Variants in ADARB2 observed in about 807,000 individuals in gnomAD.
ADARB2 encodes the protein inactive double-stranded RNA-specific editase B2.
A neutral mutation model predicts 62.2 loss-of-function variants in ADARB2; 25 were observed. The observed-to-expected ratio is 0.40, with a 90% CI of 0.29 to 0.56. The LOEUF is 0.56. Ranked by LOEUF, ADARB2 falls within the 20% of genes least tolerant of loss-of-function variation. ADARB2 has a pLI of 0.43. For synonymous variants in ADARB2, 572 were observed against 500.8 expected (o/e 1.14, Z -1.90); for missense variants, 1,071 against 1,077.4 (o/e 0.99, Z 0.08).
At position 1,182,402 on chromosome 10, in the gene ADARB2, C is replaced by G. The variant is rs1313372801; in HGVS notation, c.*791G>C. Reference sequence around the variant, plus strand: ...GCGTGGGCCGGGTGTTTCCAGACTCCCCACATCTGCAGCACGCGTGGGCCG... The same window carrying G: ...GCGTGGGCCGGGTGTTTCCAGACTCGCCACATCTGCAGCACGCGTGGGCCG... On this transcript the variant is annotated 3_prime_UTR_variant, in exon 10 of 10. Transcript: ENST00000381312. The G allele has an allele frequency of 6.5e-6, 1 of 153,866 alleles. No individual in the cohort carries two copies. The highest frequency in any genetic ancestry group is 2.4e-5 in the African/African-American group (1 of 41,324). 9.5% of individuals were successfully genotyped at this position (153,866 alleles called of 1,614,324 possible).
At chr10:1,660,286 G>C (rs781739359) in intron 1 of ADARB2, among the ~76,000 whole-genome samples, 93 of 152,328 alleles carry the variant, frequency 6.1e-4, no homozygotes, top group Non-Finnish European at 6.8e-4. Context: ...ACAGCACTTG[G>C]GTGTTGTTTA....
intron 1 of ADARB2, among the ~76,000 whole-genome samples, chr10:1,549,627 A>T (rs1832584671): frequency 6.6e-6 from 1 of 151,954 alleles, no homozygotes; most frequent in Non-Finnish European, 1.5e-5. Context: ...AGAGCACGGC[A>T]CTGAGAGAGC....
intron 7 of ADARB2, among the ~76,000 whole-genome samples, chr10:1,203,383 C>T (rs549384208): frequency 3.7e-4 from 56 of 152,298 alleles, no homozygotes; most frequent in African/African-American, 1.2e-3. Context: ...CCTGCAGGTG[C>T]GCCGGCATCA....
intron 1 of ADARB2, among the ~76,000 whole-genome samples, chr10:1,580,694 A>G (rs1381193520): frequency 6.6e-6 from 1 of 152,006 alleles, no homozygotes; most frequent in Non-Finnish European, 1.5e-5. Context: ...AGTGTCTTGG[A>G]TCCACATTGG....
At position 1,576,518 on chromosome 10, in the gene ADARB2, G is replaced by T. The variant is rs557047048; in HGVS notation, c.100+160533C>A. 3.9e-5 allele frequency among the ~76,000 whole-genome samples: 6 copies of T among 152,242 alleles called. No homozygotes were observed. The East Asian group carries it at 1.2e-3, about 29-fold the overall frequency. ...TGGTTCTGTGGTGCTGGCAGGAGCC[G>T]AGAGGACTGAGGGTCCCGTGAACTG... On this transcript the variant is annotated intron_variant, in intron 1 of 9. Coordinates refer to ENST00000381312, the MANE Select transcript of ADARB2 (RefSeq NM_018702.4).
intron 8 of ADARB2, among the ~76,000 whole-genome samples, chr10:1,191,375 G>A (rs1443278232): frequency 6.6e-6 from 1 of 152,208 alleles, no homozygotes; most frequent in South Asian, 2.1e-4. Flanking sequence ...GGCCTCCGTT[G>A]GGTAGGACCT....
intron 4 of ADARB2, among the ~76,000 whole-genome samples, chr10:1,263,117 A>T (rs1284352674): frequency 1.7e-5 from 2 of 115,998 alleles, no homozygotes; most frequent in East Asian, 2.8e-4. Flanking sequence ...AACATCACAC[A>T]CCGGGGCCTG....
chr10:1,573,015 G>A (rs1460640758), intron 1 of ADARB2, among the ~76,000 whole-genome samples: 4 of 152,272 alleles, frequency 2.6e-5, no homozygotes, highest in South Asian at 2.1e-4. Flanking sequence ...CCCAGCCTGT[G>A]AGAGGGTTGG....
chr10:1,704,866 C>T lies in ADARB2; in HGVS notation c.100+32185G>A, dbSNP rs949181610. Among the ~76,000 whole-genome samples, 12 of 152,276 alleles carry T rather than the reference C, an allele frequency of 7.9e-5. No homozygotes were observed. In the South Asian group the frequency reaches 2.5e-3, roughly 32 times the overall value. On this transcript the variant is annotated intron_variant, in intron 1 of 9. Coordinates refer to ENST00000381312, the MANE Select transcript of ADARB2 (RefSeq NM_018702.4). This position sits in a 1 kb window ranked among gnomAD's most constrained non-coding sequence, Gnocchi z 5.6. ...GCCAGCCTGAGCCTCCACTCTCTCA[C>T]TGAGGAGCCCAGCAGTTTATCATTT...
chr10:1,718,114 A>T (rs973738464), intron 1 of ADARB2, among the ~76,000 whole-genome samples: 2 of 152,226 alleles, frequency 1.3e-5, no homozygotes, highest in Admixed American at 6.5e-5. Context: ...GCACAAACAC[A>T]GCAGCAACAG....
intron 1 of ADARB2, among the ~76,000 whole-genome samples, chr10:1,731,644 G>A (rs1171930173): frequency 6.6e-6 from 1 of 152,202 alleles, no homozygotes; most frequent in Non-Finnish European, 1.5e-5. Flanking sequence ...GTTTCTCTGA[G>A]TGGAGAAAAA....
At chr10:1,488,631 TG>T (rs2131929921) in intron 1 of ADARB2, among the ~76,000 whole-genome samples, 1 of 152,222 alleles carries the variant, frequency 6.6e-6, no homozygotes, top group South Asian at 2.1e-4. Flanking sequence ...AGCCTAACAC[TG>T]GGGAGACGTG....
At position 1,556,982 on chromosome 10, in the gene ADARB2, C is replaced by A. The variant is rs926970813; in HGVS notation, c.101-177822G>T. On this transcript the variant is annotated intron_variant, in intron 1 of 9. Coordinates refer to ENST00000381312, the MANE Select transcript of ADARB2 (RefSeq NM_018702.4). ...TCTTTAATCCAGACAATTTTCACCT[C>A]CAGGAATCTTGTCCTGCATCTCACT... 2.6e-5 allele frequency: 10 copies of A among 389,668 alleles called. 1 individual carries two copies. Among genetic ancestry groups the A allele is most frequent in the Admixed American group, 1.6e-4 (5 of 31,852 alleles). 24.1% of individuals were successfully genotyped at this position (389,668 alleles called of 1,614,324 possible).
At chr10:1,478,102 G>A (rs1392500809) in intron 1 of ADARB2, among the ~76,000 whole-genome samples, 3 of 152,268 alleles carry the variant, frequency 2.0e-5, no homozygotes, top group African/African-American at 7.2e-5. Flanking sequence ...GGAGACGCCA[G>A]TGCTGCCCTA....
At chr10:1,193,379 C>T (rs755687598) in intron 8 of ADARB2, among the ~76,000 whole-genome samples, 2 of 152,160 alleles carry the variant, frequency 1.3e-5, no homozygotes, top group Non-Finnish European at 2.9e-5. Flanking sequence ...ATTTTTCAGC[C>T]TGATAATGAC....
At chr10:1,327,181 T>C (rs1447115888) in intron 3 of ADARB2, among the ~76,000 whole-genome samples, 1 of 55,580 alleles carries the variant, frequency 1.8e-5, no homozygotes, top group Non-Finnish European at 3.7e-5. Flanking sequence ...CTGCCCACAG[T>C]TCAGCGCCTC....
At chr10:1,460,001 T>A in intron 1 of ADARB2, among the ~76,000 whole-genome samples, 1 of 95,694 alleles carries the variant, frequency 1.0e-5, no homozygotes, top group African/African-American at 3.6e-5. Flanking sequence ...GTGACCTGAG[T>A]TTACCTGCGT....
chr10:1,534,737 G>A (rs1316280837), intron 1 of ADARB2: 1 of 166,000 alleles, frequency 6.0e-6, no homozygotes, highest in Admixed American at 6.5e-5. Context: ...CTGGAGAGGT[G>A]TCCAGATCAT....
intron 8 of ADARB2, among the ~76,000 whole-genome samples, chr10:1,197,227 T>C (rs1005249834): frequency 5.3e-5 from 8 of 152,206 alleles, no homozygotes; most frequent in African/African-American, 1.9e-4. Flanking sequence ...ATTAAAGAGG[T>C]CTGATACTCC....
Sources: allele counts gnomAD v4.1 joint callset (sites outside exome capture counted in the v4.1 genomes callset), GRCh38; gene constraint gnomAD v4.1.1; non-coding constraint Gnocchi (gnomAD v3.1); transcripts MANE v1.5; gene names NCBI Gene and HGNC (gene_info 2026-07-23, HGNC 2026-07-21).